FRMD5: variants seen among roughly 807,000 people sequenced by gnomAD.
FRMD5 encodes FERM domain containing 5, also known as FERM domain-containing protein 5.
A neutral mutation model predicts 69.0 loss-of-function variants in FRMD5; 20 were observed. That is an observed-to-expected ratio of 0.29 (90% CI 0.20 to 0.42). FRMD5 has a LOEUF of 0.42. Among genes scored for constraint, FRMD5 ranks in the 10% least tolerant of loss-of-function variants. The pLI is 1.00. For missense variants in FRMD5, 595 were observed against 708.6 expected (o/e 0.84, Z 1.82); for synonymous variants, 271 against 260.1 (o/e 1.04, Z -0.40).
chr15:43,930,974 C>A (rs1342616757), intron 1 of FRMD5, among the ~76,000 whole-genome samples: 1 of 152,196 alleles, frequency 6.6e-6, no homozygotes, highest in Non-Finnish European at 1.5e-5. Context: ...TGCTGTTGTA[C>A]AGCTTGTAAG....
chr15:44,072,240 G>A (rs536544419), intron 1 of FRMD5, among the ~76,000 whole-genome samples: 10 of 152,176 alleles, frequency 6.6e-5, no homozygotes, highest in African/African-American at 2.2e-4. Flanking sequence ...TAGACCTATC[G>A]ACCTCGTAAG....
At chr15:44,071,425 T>TAAACAAAACA (rs140305798) in intron 1 of FRMD5, among the ~76,000 whole-genome samples, 4,789 of 151,168 alleles carry the variant, frequency 0.032, 227 homozygotes, top group African/African-American at 0.094. Flanking sequence ...AGACCCTGTC[T>TAAACAAAACA]AAACAAAACA....
intron 1 of FRMD5, among the ~76,000 whole-genome samples, chr15:44,105,854 C>T (rs1360827176): frequency 6.6e-6 from 1 of 152,176 alleles, no homozygotes; most frequent in East Asian, 1.9e-4. Context: ...ATTAAGCTCA[C>T]TACAGTTGCC....
intron 1 of FRMD5, among the ~76,000 whole-genome samples, chr15:44,173,705 G>C (rs1447814086): frequency 6.6e-6 from 1 of 151,854 alleles, no homozygotes; most frequent in African/African-American, 2.4e-5. Context: ...GTAGAGACAG[G>C]GTTTCACCAT....
At chr15:44,157,374 G>A (rs1036465473) in intron 1 of FRMD5, among the ~76,000 whole-genome samples, 2 of 152,144 alleles carry the variant, frequency 1.3e-5, no homozygotes, top group African/African-American at 2.4e-5. Flanking sequence ...ATTAGGAACT[G>A]GACCTTCAGA....
At chr15:44,199,360 T>A (rs2078327281), upstream of FRMD5, among the ~76,000 whole-genome samples, 1 of 152,254 alleles carries the variant, frequency 6.6e-6, no homozygotes, top group East Asian at 1.9e-4. Flanking sequence ...CTGGTTCATG[T>A]GGCTGAAGAT....
intron 1 of FRMD5, among the ~76,000 whole-genome samples, chr15:44,183,920 T>C (rs2078055432): frequency 6.6e-6 from 1 of 151,148 alleles, no homozygotes; most frequent in Non-Finnish European, 1.5e-5. Context: ...ATGCGGAGGT[T>C]GCAGTGAGTC....
At chr15:44,148,307 T>C (rs1363044220) in intron 1 of FRMD5, among the ~76,000 whole-genome samples, 1 of 152,144 alleles carries the variant, frequency 6.6e-6, no homozygotes, top group African/African-American at 2.4e-5. Flanking sequence ...AGTCTCGCTC[T>C]GTCCCCCAGG....
chr15:43,944,596 AT>A (rs1052036475), intron 1 of FRMD5, among the ~76,000 whole-genome samples: 6 of 140,000 alleles, frequency 4.3e-5, no homozygotes, highest in South Asian at 4.6e-4. Context: ...CGACCAGCTA[AT>A]TTTTTTTTTC....
At chr15:44,090,694 C>A (rs1410255248) in intron 1 of FRMD5, among the ~76,000 whole-genome samples, 1 of 152,140 alleles carries the variant, frequency 6.6e-6, no homozygotes, top group Non-Finnish European at 1.5e-5. Context: ...CCCGCCTCAC[C>A]CTCCCAAAGT....
intron 1 of FRMD5, among the ~76,000 whole-genome samples, chr15:44,028,216 T>G (rs567918761): frequency 6.6e-6 from 1 of 152,318 alleles, no homozygotes; most frequent in African/African-American, 2.4e-5. Flanking sequence ...CTTTTCTATA[T>G]CAACCAACAT....
intron 7 of FRMD5, among the ~76,000 whole-genome samples, chr15:43,892,441 TAG>T (rs1451042149): frequency 2.0e-5 from 3 of 152,344 alleles, no homozygotes; most frequent in Non-Finnish European, 2.9e-5. Flanking sequence ...TTGTTAAAAA[TAG>T]AGTTACCATA....
At chr15:43,958,890 G>C (rs1280040836) in intron 1 of FRMD5, among the ~76,000 whole-genome samples, 1 of 152,154 alleles carries the variant, frequency 6.6e-6, no homozygotes, top group Non-Finnish European at 1.5e-5. Flanking sequence ...AGACTCCTTA[G>C]AAACAGAAAC....
chr15:44,029,924 C>T (rs1224020028), intron 1 of FRMD5, among the ~76,000 whole-genome samples: 1 of 152,126 alleles, frequency 6.6e-6, no homozygotes, highest in African/African-American at 2.4e-5. Flanking sequence ...AATGAAAAGC[C>T]TCTTTGAATT....
At chr15:43,960,960 A>G (rs1009916229) in intron 1 of FRMD5, among the ~76,000 whole-genome samples, 6 of 152,368 alleles carry the variant, frequency 3.9e-5, no homozygotes, top group Non-Finnish European at 7.3e-5. Flanking sequence ...GGAAAGATCT[A>G]AAATTGACAC....
chr15:44,092,005 A>T (rs2076480478), intron 1 of FRMD5, among the ~76,000 whole-genome samples: 1 of 152,160 alleles, frequency 6.6e-6, no homozygotes, highest in Non-Finnish European at 1.5e-5. Flanking sequence ...AGAGAAGCAG[A>T]CTTTGAAGTA....
At position 43,873,117 on chromosome 15, in the gene FRMD5, T is replaced by A. The variant is rs550010804; in HGVS notation, c.*768A>T. ...AAAATCACGTTAAGTCTAGTTTCAT[T>A]ATACAAAACTATGGTGATGCCCACT... On this transcript the variant is annotated 3_prime_UTR_variant, in exon 14 of 14. Coordinates refer to ENST00000417257, the MANE Select transcript of FRMD5 (RefSeq NM_032892.5). The A allele has an allele frequency of 5.9e-4, 852 of 1,449,368 alleles. 4 individuals are homozygous for A. In the African/African-American group the frequency reaches 0.011, roughly 18 times the overall value. The allele number at this position is 1,449,368 out of a possible 1,614,324, so 89.8% of individuals were successfully genotyped here.
chr15:43,905,640 C>T (rs1291345327), intron 6 of FRMD5, among the ~76,000 whole-genome samples, 188 bp downstream of exon 6: 2 of 152,194 alleles, frequency 1.3e-5, no homozygotes, highest in African/African-American at 4.8e-5. Context: ...AGGGAGCCTA[C>T]AGGGCTTGTG....
At chr15:44,084,211 G>A (rs1273325222) in intron 1 of FRMD5, among the ~76,000 whole-genome samples, 1 of 151,950 alleles carries the variant, frequency 6.6e-6, no homozygotes, top group African/African-American at 2.4e-5. Context: ...CAAATTTCAA[G>A]AAGATGATAA....
Sources: gnomAD v4.1 joint callset for allele counts (sites outside exome capture counted in the v4.1 genomes callset) on GRCh38, gnomAD v4.1.1 for gene constraint, MANE v1.5 for transcripts, NCBI Gene and HGNC (gene_info 2026-07-23, HGNC 2026-07-21) for gene names.